Variants in SVIP observed in about 807,000 individuals in gnomAD.
The protein encoded by SVIP is small VCP/p97-interacting protein.
A neutral mutation model predicts 12.9 loss-of-function variants in SVIP; 14 were observed. The observed-to-expected ratio is 1.08, with a 90% CI of 0.72 to 1.70. The LOEUF (loss-of-function observed/expected upper bound fraction) is 1.70, where lower values mean the gene tolerates loss of function less well. Among genes scored for constraint, SVIP ranks in the 40% most tolerant of loss-of-function variants. The pLI, the probability that SVIP is intolerant of heterozygous loss-of-function variation, is 0.00. For synonymous variants in SVIP, 35 were observed against 33.3 expected (o/e 1.05, Z -0.17); for missense variants, 93 against 90.8 (o/e 1.02, Z -0.10).
At position 22,819,794 on chromosome 11, in the gene SVIP, A is replaced by G. The variant is rs1160218427; in HGVS notation, c.*3325T>C. On this transcript the variant is annotated 3_prime_UTR_variant, in exon 4 of 4. Transcript: ENST00000354193. ...TCTCAAAAAACAAAACAAAACCAAAAAAAGCCAATGCAATTCAGGATATAA... is the reference window on the plus strand; with the variant it reads ...TCTCAAAAAACAAAACAAAACCAAAGAAAGCCAATGCAATTCAGGATATAA... The G allele has an allele frequency of 6.5e-6, 1 of 152,692 alleles. No individual in the cohort carries two copies. Among genetic ancestry groups the G allele is most frequent in the Non-Finnish European group, 1.5e-5 (1 of 68,450 alleles). 9.5% of individuals were successfully genotyped at this position (152,692 alleles called of 1,614,324 possible).
In SVIP at chr11:22,822,868, C is replaced by T. The variant is rs1857533581; in HGVS notation, c.*251G>A. ...TTCACTATTTAGTTCCATTTTTTAA[C>T]TACTAAGAAAAATAGCAAATCACCC... On this transcript the variant is annotated 3_prime_UTR_variant, in exon 4 of 4. Coordinates refer to ENST00000354193, the MANE Select transcript of SVIP (RefSeq NM_148893.3). 2.3e-6 allele frequency: 1 copy of T among 435,208 alleles called. No individual in the cohort carries two copies. The highest frequency in any genetic ancestry group is 4.1e-6 in the Non-Finnish European group (1 of 244,238). 27.0% of individuals were successfully genotyped at this position (435,208 alleles called of 1,614,324 possible).
Position 22,823,013 on chromosome 11 carries a change from T to C in SVIP, c.*106A>G. On this transcript the variant is annotated 3_prime_UTR_variant, in exon 4 of 4. Transcript: ENST00000354193. ...ACTTAAGGGCAATAATATTACAAAGTCTGAATCTTCATTTACTCAAAGAGA... is the reference window on the plus strand; with the variant it reads ...ACTTAAGGGCAATAATATTACAAAGCCTGAATCTTCATTTACTCAAAGAGA... The C allele has an allele frequency of 9.9e-7, 1 of 1,014,302 alleles. No individual in the cohort carries two copies. The highest frequency in any genetic ancestry group is 1.4e-6 in the Non-Finnish European group (1 of 710,582). 62.8% of individuals were successfully genotyped at this position (1,014,302 alleles called of 1,614,324 possible). A position where few individuals can be genotyped will look rare whatever the true frequency, so the allele number is the denominator to read the frequency against.
At chr11:22,829,430 TAA>T in intron 1 of SVIP, 1 of 398,502 alleles carries the variant, frequency 2.5e-6, no homozygotes, top group South Asian at 5.0e-5. Context: ...CCGGCGCAGC[TAA>T]AGTCAGTGGA....
At position 22,819,286 on chromosome 11, in the gene SVIP, A is replaced by G. The variant is rs1857407542; in HGVS notation, c.*3833T>C. On this transcript the variant is annotated 3_prime_UTR_variant, in exon 4 of 4. Transcript: ENST00000354193. ...AGTTTGATAGGAAAAGGAGTTTAGC[A>G]TAACTCCTTGATATCTGACTTATGT... The G allele has an allele frequency of 6.6e-6, 1 of 152,226 alleles. No individual in the cohort carries two copies. Among genetic ancestry groups the G allele is most frequent in the Admixed American group, 6.5e-5 (1 of 15,286 alleles). The allele number at this position is 152,226 out of a possible 1,614,324, so 9.4% of individuals were successfully genotyped here.
Position 22,827,272 on chromosome 11 carries a change from TTC to T in SVIP, c.152_153del (p.Arg51LysfsTer22). 6.2e-7 allele frequency: 1 copy of T among 1,610,992 alleles called. No homozygotes were observed. On this transcript the variant is annotated frameshift_variant, in exon 3 of 4. Transcript: ENST00000354193. LOFTEE classifies it high-confidence loss of function. ...TGTTTTTCTATTTTTTCCTTTTTCT[TTC>T]TCTTTTCTTGCACAGATTGAACATC... is the stretch of plus-strand genomic sequence containing the variant. The part of the protein sequence containing the change: ...ILDVQSVQEK[R>X]KKKEKIEKQI...
chr11:22,825,821 T>G (rs1054694067), intron 3 of SVIP, among the ~76,000 whole-genome samples: 1 of 152,214 alleles, frequency 6.6e-6, no homozygotes, highest in Admixed American at 6.5e-5. Flanking sequence ...CCTTTTCCTA[T>G]AACATTACGT....
chr11:22,823,218 G>T, intron 3 of SVIP, 85 bp from the exon 4 acceptor site: 1 of 930,108 alleles, frequency 1.1e-6, no homozygotes, highest in South Asian at 1.6e-5. Context: ...GGTAAAAAGA[G>T]GAATATGGGA....
chr11:22,829,677 G>C lies in SVIP; in HGVS notation c.54+18C>G, dbSNP rs938352326. The C allele has an allele frequency of 6.3e-7, 1 of 1,584,928 alleles. No homozygotes were observed. ...CTCAAGGCGCGGCCCGGCGGACGCAGGGACCTGCTCTACTCACCAGGTCCG... is the reference window on the plus strand; with the variant it reads ...CTCAAGGCGCGGCCCGGCGGACGCACGGACCTGCTCTACTCACCAGGTCCG... On this transcript the variant is annotated intron_variant, in intron 1 of 3. Coordinates refer to ENST00000354193, the MANE Select transcript of SVIP (RefSeq NM_148893.3).
At position 22,822,814 on chromosome 11, in the gene SVIP, G is replaced by A; in HGVS notation, c.*305C>T. The A allele has an allele frequency of 3.7e-6, 1 of 273,234 alleles. No homozygotes were observed. Among genetic ancestry groups the A allele is most frequent in the Non-Finnish European group, 6.9e-6 (1 of 145,248 alleles). 16.9% of individuals were successfully genotyped at this position (273,234 alleles called of 1,614,324 possible). A position where few individuals can be genotyped will look rare whatever the true frequency, so the allele number is the denominator to read the frequency against. ...GCGAATTTTAATCTTAGAGGTATATGCAGAATGTTTACATGCAGTGTATGT... is the reference window on the plus strand; with the variant it reads ...GCGAATTTTAATCTTAGAGGTATATACAGAATGTTTACATGCAGTGTATGT... On this transcript the variant is annotated 3_prime_UTR_variant, in exon 4 of 4. Transcript: ENST00000354193.
At chr11:22,828,810 AAG>A (rs1219966922) in intron 1 of SVIP, among the ~76,000 whole-genome samples, 1 of 152,230 alleles carries the variant, frequency 6.6e-6, no homozygotes, top group South Asian at 2.1e-4. Context: ...ATAGTAGCTG[AAG>A]AGTTAATGTA....
rs556320293 is a variant in SVIP at position 22,827,707 on chromosome 11, G to A, written c.105+117C>T. ...ATTTTGAAAATAATTACATTTAAAT[G>A]TAAATTTTTGGGATATCAAAGGCCA... On this transcript the variant is annotated intron_variant, in intron 2 of 3. Coordinates refer to ENST00000354193, the MANE Select transcript of SVIP (RefSeq NM_148893.3). 196 of 622,002 alleles carry A rather than the reference G, an allele frequency of 3.2e-4. 1 individual carries two copies. The highest frequency in any genetic ancestry group is 3.6e-4 in the Admixed American group (12 of 32,898). The allele number at this position is 622,002 out of a possible 1,614,324, so 38.5% of individuals were successfully genotyped here.
chr11:22,827,457 A>G, intron 2 of SVIP, 137 bp from the exon 3 acceptor site: 1 of 691,838 alleles, frequency 1.4e-6, no homozygotes, highest in Non-Finnish European at 2.5e-6. Context: ...ACATAGAAGG[A>G]GTGTTTCTAC....
intron 2 of SVIP, 103 bp from the exon 3 acceptor site, chr11:22,827,423 T>G: frequency 1.1e-6 from 1 of 929,856 alleles, no homozygotes; most frequent in South Asian, 1.5e-5. Context: ...TCTTTGGGGG[T>G]AGGGAGTTGG....
chr11:22,823,497 A>G (rs1175460153), intron 3 of SVIP, among the ~76,000 whole-genome samples: 1 of 152,112 alleles, frequency 6.6e-6, no homozygotes, highest in Non-Finnish European at 1.5e-5. Context: ...CTCCCTAAAG[A>G]CAGGACGTCC....
Position 22,822,037 on chromosome 11 carries a change from A to AAAGAGCTAACAC in SVIP, c.*1081_*1082insGTGTTAGCTCTT, listed in dbSNP as rs1375918836. The AAAGAGCTAACAC allele has an allele frequency of 6.6e-6, 1 of 152,238 alleles. No homozygotes were observed. Among genetic ancestry groups the AAAGAGCTAACAC allele is most frequent in the Admixed American group, 6.5e-5 (1 of 15,288 alleles). The allele number at this position is 152,238 out of a possible 1,614,324, so 9.4% of individuals were successfully genotyped here. A position where few individuals can be genotyped will look rare whatever the true frequency, so the allele number is the denominator to read the frequency against. On this transcript the variant is annotated 3_prime_UTR_variant, in exon 4 of 4. Transcript: ENST00000354193. ...GCTCAACATGTGGCCTTGCCATTTA[A>AAAGAGCTAACAC]AAGAGCTATCAGCCTTAATAGCTAA...
rs148796389 is a variant in SVIP at position 22,819,108 on chromosome 11, T to G, written c.*4011A>C. On this transcript the variant is annotated 3_prime_UTR_variant, in exon 4 of 4. Transcript: ENST00000354193. ...TCATATACTTTTCATTCTGCAAGAT[T>G]ACTAAAGTCATTTATTAGTTCCAGA... 6.6e-5 allele frequency: 10 copies of G among 152,352 alleles called. No homozygotes were observed. In the East Asian group the frequency reaches 1.9e-3, roughly 29 times the overall value. The allele number at this position is 152,352 out of a possible 1,614,324, so 9.4% of individuals were successfully genotyped here.
rs1857535915 is a variant in SVIP, at chr11:22,822,959, C to A, written c.*160G>T. ...ATGAAAAGTCTAGCCATTCTCTAAG[C>A]TTGAAAATCAACGTTTTTTTAGCAT... On this transcript the variant is annotated 3_prime_UTR_variant, in exon 4 of 4. Transcript: ENST00000354193. 12 of 586,020 alleles carry A rather than the reference C, an allele frequency of 2.0e-5. No individual in the cohort carries two copies. Among genetic ancestry groups the A allele is most frequent in the Middle Eastern group, 3.2e-4 (1 of 3,116 alleles). The allele number at this position is 586,020 out of a possible 1,614,324, so 36.3% of individuals were successfully genotyped here.
In SVIP at chr11:22,822,673, G is replaced by A. The variant is rs1328195011; in HGVS notation, c.*446C>T. ...GATTCTCCCTGATGATCAGTTTAAA[G>A]GCACTAAGTCCATAAGTTTAATCAA... On this transcript the variant is annotated 3_prime_UTR_variant, in exon 4 of 4. Coordinates refer to ENST00000354193, the MANE Select transcript of SVIP (RefSeq NM_148893.3). The A allele has an allele frequency of 2.6e-5, 4 of 153,510 alleles. No homozygotes were observed. The allele number at this position is 153,510 out of a possible 1,614,324, so 9.5% of individuals were successfully genotyped here. A position where few individuals can be genotyped will look rare whatever the true frequency, so the allele number is the denominator to read the frequency against.
chr11:22,826,854 G>A lies in SVIP; in HGVS notation c.219+353C>T, dbSNP rs151014129. Among the ~76,000 whole-genome samples, 795 of 152,250 alleles carry A rather than the reference G, an allele frequency of 5.2e-3. 11 individuals are homozygous for A. Among genetic ancestry groups the A allele is most frequent in the African/African-American group, 0.018 (745 of 41,542 alleles). On this transcript the variant is annotated intron_variant, in intron 3 of 3. Coordinates refer to ENST00000354193, the MANE Select transcript of SVIP (RefSeq NM_148893.3). ...TAATAAGATATATAAATGAAGGTTA[G>A]AAATTATGTCTGTCAAAATGGTACT...
Sources: allele counts gnomAD v4.1 joint callset (sites outside exome capture counted in the v4.1 genomes callset), GRCh38; gene constraint gnomAD v4.1.1; transcripts MANE v1.5; gene names NCBI Gene and HGNC (gene_info 2026-07-23, HGNC 2026-07-21).